Variants in PLXNC1 observed in about 807,000 individuals in gnomAD.
PLXNC1 encodes plexin-C1.
In PLXNC1, 75 loss-of-function variants were observed where a neutral mutation model predicts 178.2. The ratio of observed to expected loss-of-function variants is 0.42; its 90% CI spans 0.35 to 0.51. The LOEUF (loss-of-function observed/expected upper bound fraction) is 0.51, where lower values mean the gene tolerates loss of function less well. Ranked by LOEUF, PLXNC1 falls within the 20% of genes least tolerant of loss-of-function variation. PLXNC1 has a pLI of 0.02. For missense variants in PLXNC1, 1,503 were observed against 1,984.4 expected, an observed-to-expected ratio of 0.76 and a Z score of 4.61; for synonymous variants, 790 against 779.9, an observed-to-expected ratio of 1.01 and a Z score of -0.22.
intron 5 of PLXNC1, among the ~76,000 whole-genome samples, chr12:94,212,345 C>T (rs1201795680): frequency 6.7e-6 from 1 of 149,836 alleles, no homozygotes; most frequent in African/African-American, 2.5e-5. Flanking sequence ...ATTTATTATA[C>T]TTTAAGTTCT....
chr12:94,275,270 C>A (rs1451309624), intron 21 of PLXNC1, among the ~76,000 whole-genome samples: 1 of 152,230 alleles, frequency 6.6e-6, no homozygotes, highest in Non-Finnish European at 1.5e-5. Flanking sequence ...AGGACTATGT[C>A]ATAACATCTC....
rs1960834691 is a variant in PLXNC1, at chr12:94,149,009, C to T, written c.38C>T (p.Pro13Leu). The part of the protein sequence containing the change: ...VSRRKAPPRP[P>L]RPAAPLPLLA... ...CGGAGGAAGGCGCCGCCGCGCCCCCCGCGCCCCGCAGCGCCACTGCCCCTG... is the reference window on the plus strand; with the variant it reads ...CGGAGGAAGGCGCCGCCGCGCCCCCTGCGCCCCGCAGCGCCACTGCCCCTG... Residue 13 changes from proline (P) to leucine (L), a missense_variant, in exon 1 of 31, where the codon CCG (proline) becomes CTG (leucine). Coordinates refer to ENST00000258526, the MANE Select transcript of PLXNC1 (RefSeq NM_005761.3). The T allele has an allele frequency of 5.4e-6, 8 of 1,468,824 alleles. No homozygotes were observed. Among genetic ancestry groups the T allele is most frequent in the Non-Finnish European group, 6.3e-6 (7 of 1,118,222 alleles). 91.0% of individuals were successfully genotyped at this position (1,468,824 alleles called of 1,614,324 possible). A position where few individuals can be genotyped will look rare whatever the true frequency, so the allele number is the denominator to read the frequency against.
At chr12:94,270,096 G>A (rs1253824687) in intron 21 of PLXNC1, among the ~76,000 whole-genome samples, 1 of 152,168 alleles carries the variant, frequency 6.6e-6, no homozygotes, top group Non-Finnish European at 1.5e-5. Flanking sequence ...ATTTATATTT[G>A]TACCCCTCAG....
At chr12:94,237,843 C>T (rs199908702) in intron 10 of PLXNC1, 40 bp downstream of exon 10, 66 of 1,597,330 alleles carry the variant, frequency 4.1e-5, no homozygotes, top group African/African-American at 1.7e-4. Context: ...GGTAACGTAA[C>T]GCTCAAACCT....
At chr12:94,171,225 T>C (rs1025787648) in intron 2 of PLXNC1, among the ~76,000 whole-genome samples, 2 of 152,178 alleles carry the variant, frequency 1.3e-5, no homozygotes, top group East Asian at 1.9e-4. Context: ...AAGCTGCAGC[T>C]TCATGCTGCT....
chr12:94,179,568 C>T (rs945452791), intron 2 of PLXNC1, among the ~76,000 whole-genome samples: 28 of 151,946 alleles, frequency 1.8e-4, no homozygotes, highest in Non-Finnish European at 3.5e-4. Flanking sequence ...TGGTGAAACC[C>T]CGTCTCTACT....
At chr12:94,193,317 G>C (rs1002543237) in intron 4 of PLXNC1, among the ~76,000 whole-genome samples, 7 of 152,178 alleles carry the variant, frequency 4.6e-5, no homozygotes, top group African/African-American at 1.7e-4. Flanking sequence ...TCAGTTAGCA[G>C]GTGGCTGTAA....
At chr12:94,200,135 G>A (rs79286378) in intron 4 of PLXNC1, among the ~76,000 whole-genome samples, 13,709 of 152,166 alleles carry the variant, frequency 0.09, 735 homozygotes, top group Middle Eastern at 0.17. Flanking sequence ...TGACGTTCTC[G>A]GACCTCAGCC....
chr12:94,265,359 A>G (rs1024101960), intron 21 of PLXNC1, 134 bp downstream of exon 21: 1 of 708,308 alleles, frequency 1.4e-6, no homozygotes, highest in Non-Finnish European at 2.3e-6. Flanking sequence ...TTAATTAAAA[A>G]CAGTAGTTGA....
At chr12:94,231,025 A>G (rs1170454744) in intron 9 of PLXNC1, among the ~76,000 whole-genome samples, 1 of 152,228 alleles carries the variant, frequency 6.6e-6, no homozygotes, top group Non-Finnish European at 1.5e-5. Flanking sequence ...TACATGAGTA[A>G]AAATACAAGA....
chr12:94,186,949 A>T (rs4429109), intron 4 of PLXNC1, among the ~76,000 whole-genome samples: 1 of 152,358 alleles, frequency 6.6e-6, no homozygotes, highest in South Asian at 2.1e-4. Context: ...GGCCTGATGT[A>T]CAATCTCAGT....
intron 21 of PLXNC1, among the ~76,000 whole-genome samples, chr12:94,269,593 C>A (rs891695383): frequency 1.6e-4 from 24 of 152,220 alleles, no homozygotes; most frequent in African/African-American, 5.8e-4. Flanking sequence ...CGTAATTAAA[C>A]AACCCACTGT....
intron 1 of PLXNC1, among the ~76,000 whole-genome samples, chr12:94,161,151 A>T (rs1043939091): frequency 6.6e-6 from 1 of 152,156 alleles, no homozygotes; most frequent in Non-Finnish European, 1.5e-5. Flanking sequence ...ATATCAGTGG[A>T]GCCCCACTCT....
At position 94,260,688 on chromosome 12, in the gene PLXNC1, G is replaced by C. The variant is rs1295709711; in HGVS notation, c.3298G>C (p.Val1100Leu). Residue 1100 changes from valine (V) to leucine (L), a missense_variant, in exon 20 of 31, where the codon GTC becomes CTC. Val to Leu is a conservative substitution (Grantham distance 32). Around this residue, in one of 4 missense-constraint regions of PLXNC1, gnomAD observed 639 missense variants for 979.7 expected, o/e 0.65. Coordinates refer to ENST00000258526, the MANE Select transcript of PLXNC1 (RefSeq NM_005761.3). The surrounding 1 kb of genome is among the most constrained non-coding windows in gnomAD (Gnocchi z 4.4). Reference sequence around the variant, plus strand: ...AACCATTGCACTGCAAACCAAGCTGGTCTACCTGACCAGCATCCTAGAGGT... The same window carrying C: ...AACCATTGCACTGCAAACCAAGCTGCTCTACCTGACCAGCATCCTAGAGGT... ...FLTIALQTKL[V>L]YLTSILEVLT... 4 of 1,613,884 alleles carry C rather than the reference G, an allele frequency of 2.5e-6. No individual in the cohort carries two copies. In the African/African-American group the frequency reaches 5.3e-5, roughly 22 times the overall value.
At chr12:94,290,242 C>T (rs76967073) in intron 23 of PLXNC1, among the ~76,000 whole-genome samples, 23,534 of 152,226 alleles carry the variant, frequency 0.15, 2,257 homozygotes, top group South Asian at 0.22. Context: ...TCCAGCTCTT[C>T]GTGGGGAGGA....
intron 2 of PLXNC1, among the ~76,000 whole-genome samples, chr12:94,180,035 C>T (rs4761590): frequency 0.51 from 77,717 of 151,848 alleles, 20,840 homozygotes; most frequent in South Asian, 0.68. Flanking sequence ...CTATAGGATT[C>T]GAGTCTCCCG....
At chr12:94,263,089 C>T (rs539726568) in intron 20 of PLXNC1, among the ~76,000 whole-genome samples, 22 of 152,164 alleles carry the variant, frequency 1.4e-4, no homozygotes, top group Non-Finnish European at 2.9e-4. Context: ...AGGGGAATCA[C>T]GTACGCAGCG....
chr12:94,240,758 G>C, intron 11 of PLXNC1, 94 bp downstream of exon 11: 1 of 1,012,592 alleles, frequency 9.9e-7, no homozygotes, highest in East Asian at 2.5e-5. Context: ...AGAAACAGTG[G>C]TCATTCCAAA....
chr12:94,236,108 A>G (rs1478218889), intron 9 of PLXNC1, among the ~76,000 whole-genome samples: 1 of 152,278 alleles, frequency 6.6e-6, no homozygotes, highest in Non-Finnish European at 1.5e-5. Context: ...GCAGTCAAGT[A>G]TAACAGAATA....
Sources: gnomAD v4.1 joint callset for allele counts (sites outside exome capture counted in the v4.1 genomes callset) on GRCh38, gnomAD v4.1.1 for gene constraint, gnomAD v4.1.1 regional missense constraint, Gnocchi (gnomAD v3.1) non-coding constraint, MANE v1.5 for transcripts, NCBI Gene and HGNC (gene_info 2026-07-23, HGNC 2026-07-21) for gene names.